Variants in NMT2 observed in about 807,000 individuals in gnomAD.
NMT2 encodes glycylpeptide N-tetradecanoyltransferase 2.
A neutral mutation model predicts 65.4 loss-of-function variants in NMT2; 35 were observed. The observed-to-expected ratio is 0.54, with a 90% CI of 0.41 to 0.71. The LOEUF is 0.71. Ranked by LOEUF, NMT2 falls within the 30% of genes least tolerant of loss-of-function variation. NMT2 has a pLI of 0.00. For synonymous variants in NMT2, 226 were observed against 231.8 expected, an observed-to-expected ratio of 0.98 and a Z score of 0.23; for missense variants, 489 against 611.3, an observed-to-expected ratio of 0.80 and a Z score of 2.11.
intron 6 of NMT2, among the ~76,000 whole-genome samples, chr10:15,130,572 C>T (rs1196055488): frequency 6.6e-6 from 1 of 151,562 alleles, no homozygotes; most frequent in Non-Finnish European, 1.5e-5. Flanking sequence ...GTCATGTTGC[C>T]GCATGCATGT....
chr10:15,112,210 A>AT (rs1845572009), intron 10 of NMT2, among the ~76,000 whole-genome samples: 1 of 17,772 alleles, frequency 5.6e-5, no homozygotes, highest in Non-Finnish European at 8.7e-5. Flanking sequence ...ATATATATAT[A>AT]TATATATTTT....
Position 15,109,261 on chromosome 10 carries a change from A to G in NMT2, c.1477-46T>C, listed in dbSNP as rs188978339. 1.1e-4 allele frequency: 170 copies of G among 1,596,516 alleles called. 1 individual carries two copies. In the East Asian group the frequency reaches 3.3e-3, roughly 31 times the overall value. ...GAATAGTAAGAAAAATTAGATTGCA[A>G]TGTAGTACAATAGATCTGTCTTTCT... On this transcript the variant is annotated intron_variant, in intron 11 of 11. Coordinates refer to ENST00000378165, the MANE Select transcript of NMT2 (RefSeq NM_004808.3).
chr10:15,133,291 G>A lies in NMT2; in HGVS notation c.464C>T (p.Pro155Leu). Reference protein sequence around the residue: ...DNVRQEPYSLPQGFMWDTLDL... With the variant: ...DNVRQEPYSLLQGFMWDTLDL... ...TAAAGTGTCCCACATAAAACCCTGT[G>A]GCAAAGAATACGGTTCTTGGCGTAC... Residue 155 changes from proline to leucine, a missense_variant, in exon 4 of 12, where the codon CCA (proline) becomes CTA (leucine). Pro to Leu is a moderately conservative substitution (Grantham distance 98, BLOSUM62 -3). Transcript: ENST00000378165. 1 of 1,614,130 alleles carries A rather than the reference G, an allele frequency of 6.2e-7. No homozygotes were observed. The highest frequency in any genetic ancestry group is 1.1e-5 in the South Asian group (1 of 91,080).
chr10:15,127,850 C>A (rs930934208), intron 8 of NMT2, among the ~76,000 whole-genome samples: 1 of 151,018 alleles, frequency 6.6e-6, no homozygotes, highest in Non-Finnish European at 1.5e-5. Flanking sequence ...TTGCAGTGAG[C>A]TGAGATTGTG....
chr10:15,113,067 T>A, intron 9 of NMT2, 104 bp from the exon 10 acceptor site: 3 of 1,177,948 alleles, frequency 2.5e-6, no homozygotes, highest in South Asian at 1.3e-5. Context: ...CGAAAAGCAG[T>A]AAGTCACACT....
At chr10:15,154,716 T>C in intron 1 of NMT2, 2 of 534,740 alleles carry the variant, frequency 3.7e-6, no homozygotes, top group South Asian at 1.7e-5. Flanking sequence ...TCTAGGATAC[T>C]GCGAGCAAAT....
chr10:15,129,831 C>A (rs1344306014), intron 7 of NMT2, among the ~76,000 whole-genome samples: 10 of 151,210 alleles, frequency 6.6e-5, no homozygotes, highest in Non-Finnish European at 1.5e-4. Context: ...ATCACTTGAA[C>A]CCAGGAGGCG....
rs1845344927 is a variant in NMT2 at position 15,107,510 on chromosome 10, T to A, written c.*1685A>T. 1.1e-6 allele frequency: 1 copy of A among 901,162 alleles called. No individual in the cohort carries two copies. The highest frequency in any genetic ancestry group is 1.3e-6 in the Non-Finnish European group (1 of 753,084). The allele number at this position is 901,162 out of a possible 1,614,324, so 55.8% of individuals were successfully genotyped here. A position where few individuals can be genotyped will look rare whatever the true frequency, so the allele number is the denominator to read the frequency against. ...CACTGTCACCCAGGCTGGAGTGCAG[T>A]GGCACGATCTTGGCTCACTGCAACT... On this transcript the variant is annotated 3_prime_UTR_variant, in exon 12 of 12. Transcript: ENST00000378165.
intron 10 of NMT2, among the ~76,000 whole-genome samples, chr10:15,110,553 A>G (rs1375514954): frequency 6.6e-6 from 1 of 152,164 alleles, no homozygotes; most frequent in Non-Finnish European, 1.5e-5. Context: ...GCAGGATTGC[A>G]TAAGCCGAAG....
At chr10:15,128,225 C>T (rs1254582442) in intron 8 of NMT2, 125 bp downstream of exon 8, 2 of 666,356 alleles carry the variant, frequency 3.0e-6, no homozygotes, top group Non-Finnish European at 2.7e-6. Context: ...CATGAAATCT[C>T]TTTCGCTCCA....
intron 2 of NMT2, among the ~76,000 whole-genome samples, chr10:15,136,176 G>T (rs533440032): frequency 6.7e-6 from 1 of 149,910 alleles, no homozygotes; most frequent in African/African-American, 2.5e-5. Context: ...AGCTGAGATC[G>T]CGCCATTGCA....
At chr10:15,129,269 G>C (rs780264444) in intron 7 of NMT2, among the ~76,000 whole-genome samples, 1 of 151,956 alleles carries the variant, frequency 6.6e-6, no homozygotes, top group Non-Finnish European at 1.5e-5. Context: ...TTTACTTAAC[G>C]AATGTAATAA....
chr10:15,117,712 C>T (rs1845790851), intron 9 of NMT2, among the ~76,000 whole-genome samples: 1 of 150,788 alleles, frequency 6.6e-6, no homozygotes, highest in African/African-American at 2.4e-5. Flanking sequence ...TACAAACACA[C>T]AAAAGAAAGC....
chr10:15,152,926 C>G (rs537146516), intron 1 of NMT2, among the ~76,000 whole-genome samples: 6 of 152,322 alleles, frequency 3.9e-5, no homozygotes, highest in Admixed American at 3.9e-4. Context: ...GCCCTGTGTA[C>G]TAGCACAAAA....
chr10:15,132,794 C>A, intron 6 of NMT2, 23 bp downstream of exon 6: 1 of 1,492,052 alleles, frequency 6.7e-7, no homozygotes, highest in Non-Finnish European at 9.2e-7. Flanking sequence ...ATAAAAACCG[C>A]ATGGACGAGC....
chr10:15,117,225 T>C (rs1845775362), intron 9 of NMT2, among the ~76,000 whole-genome samples: 1 of 152,214 alleles, frequency 6.6e-6, no homozygotes, highest in Non-Finnish European at 1.5e-5. Flanking sequence ...TTTCTAGGAA[T>C]GTAAGAGTGA....
intron 1 of NMT2, among the ~76,000 whole-genome samples, chr10:15,167,999 T>C (rs533320499): frequency 6.6e-6 from 1 of 152,256 alleles, no homozygotes; most frequent in South Asian, 2.1e-4. Context: ...TCGGGGCACC[T>C]CCACGCCGCT....
intron 1 of NMT2, among the ~76,000 whole-genome samples, chr10:15,151,918 C>T (rs1588448738): frequency 6.6e-6 from 1 of 152,014 alleles, no homozygotes; most frequent in Non-Finnish European, 1.5e-5. Context: ...CCCAGCTACT[C>T]GGGAGGCTGA....
chr10:15,106,550 G>A lies in NMT2; in HGVS notation c.*2645C>T, dbSNP rs1845309015. 6.9e-6 allele frequency: 4 copies of A among 579,380 alleles called. No individual in the cohort carries two copies. In the South Asian group the frequency reaches 3.0e-4, roughly 44 times the overall value. 35.9% of individuals were successfully genotyped at this position (579,380 alleles called of 1,614,324 possible). ...CAAGTCTTCCATTATCTCCAAGAGA[G>A]GTCCTATATTATGTACTACTGTGGG... On this transcript the variant is annotated 3_prime_UTR_variant, in exon 12 of 12. Transcript: ENST00000378165.
Sources: gnomAD v4.1 joint callset for allele counts (sites outside exome capture counted in the v4.1 genomes callset) on GRCh38, gnomAD v4.1.1 for gene constraint, MANE v1.5 for transcripts, NCBI Gene and HGNC (gene_info 2026-07-23, HGNC 2026-07-21) for gene names.